The following DENND1B variants were observed in gnomAD, a reference collection of about 807,000 sequenced individuals.
The protein encoded by DENND1B is DENN domain containing 1B.
DENND1B carries 59 observed loss-of-function variants against 90.1 expected under a neutral mutation model. That is an observed-to-expected ratio of 0.65 (90% CI 0.53 to 0.81). The LOEUF is 0.81. Ranked by LOEUF, DENND1B falls within the 40% of genes least tolerant of loss-of-function variation. The pLI, the probability that DENND1B is intolerant of heterozygous loss-of-function variation, is 0.00. For synonymous variants in DENND1B, 337 were observed against 324.6 expected (o/e 1.04, Z -0.41); for missense variants, 862 against 912.6 (o/e 0.94, Z 0.71).
At chr1:197,624,172 T>C (rs760084549) in intron 10 of DENND1B, among the ~76,000 whole-genome samples, 1 of 151,642 alleles carries the variant, frequency 6.6e-6, no homozygotes, top group Non-Finnish European at 1.5e-5. Context: ...TCAAAACTTA[T>C]TATAAAGCTA....
intron 3 of DENND1B, chr1:197,690,302 C>A: frequency 5.0e-6 from 1 of 199,636 alleles, no homozygotes. Flanking sequence ...TTATCTTGAG[C>A]CAACCAGGCC....
chr1:197,613,650 A>G (rs11799915), intron 11 of DENND1B, among the ~76,000 whole-genome samples: 43,746 of 150,668 alleles, frequency 0.29, 6,588 homozygotes, highest in Middle Eastern at 0.39. Flanking sequence ...AGAAGAAGAC[A>G]TAAAATGCAT....
intron 15 of DENND1B, among the ~76,000 whole-genome samples, chr1:197,554,635 C>A (rs982303441): frequency 4.6e-5 from 7 of 151,590 alleles, no homozygotes; most frequent in African/African-American, 1.7e-4. Flanking sequence ...GTCAAGAGAT[C>A]GAGACCATCC....
At chr1:197,679,645 T>C (rs1477793342) in intron 3 of DENND1B, among the ~76,000 whole-genome samples, 1 of 150,076 alleles carries the variant, frequency 6.7e-6, no homozygotes, top group East Asian at 1.9e-4. Flanking sequence ...TATCTAAATA[T>C]TTTGTGTATG....
chr1:197,571,229 C>G (rs1486869899), intron 15 of DENND1B, among the ~76,000 whole-genome samples: 1 of 152,144 alleles, frequency 6.6e-6, no homozygotes, highest in African/African-American at 2.4e-5. Context: ...TTACAAAATA[C>G]AGATCAGATC....
At chr1:197,756,883 A>G (rs908094881) in intron 2 of DENND1B, among the ~76,000 whole-genome samples, 7 of 151,108 alleles carry the variant, frequency 4.6e-5, no homozygotes, top group Non-Finnish European at 7.4e-5. Flanking sequence ...ATAATCCTTA[A>G]TTTTTATTGC....
At chr1:197,636,428 T>C (rs1190074214) in intron 10 of DENND1B, among the ~76,000 whole-genome samples, 1 of 152,150 alleles carries the variant, frequency 6.6e-6, no homozygotes, top group Non-Finnish European at 1.5e-5. Flanking sequence ...AGATGGTCAT[T>C]GTAAGAGGCA....
At chr1:197,690,988 G>GA (rs1410225554) in intron 3 of DENND1B, among the ~76,000 whole-genome samples, 2 of 151,812 alleles carry the variant, frequency 1.3e-5, no homozygotes, top group African/African-American at 2.4e-5. Context: ...AGAAAACATG[G>GA]AAAAACTTTC....
At chr1:197,653,602 C>G (rs1426180770) in intron 6 of DENND1B, among the ~76,000 whole-genome samples, 2 of 151,990 alleles carry the variant, frequency 1.3e-5, no homozygotes, top group African/African-American at 4.8e-5. Context: ...TTAATTAATG[C>G]TATAAACTTA....
upstream of DENND1B, among the ~76,000 whole-genome samples, chr1:197,779,277 T>C (rs1315011266): frequency 2.6e-5 from 4 of 152,230 alleles, no homozygotes; most frequent in Admixed American, 6.5e-5. Context: ...CTAATAACAA[T>C]TGGAACTTTG....
chr1:197,681,097 A>G lies in DENND1B; in HGVS notation c.127-6928T>C, dbSNP rs11801895. On this transcript the variant is annotated intron_variant, in intron 3 of 22. Transcript: ENST00000620048. Reference sequence around the variant, plus strand: ...GTACAATATTAAAGGTCCTGTGTCCAATGCCTGTTGCCAAAACTTTAACAT... The same window carrying G: ...GTACAATATTAAAGGTCCTGTGTCCGATGCCTGTTGCCAAAACTTTAACAT... 5.8e-3 allele frequency among the ~76,000 whole-genome samples: 886 copies of G among 152,246 alleles called. 9 individuals are homozygous for G. Among genetic ancestry groups the G allele is most frequent in the African/African-American group, 0.02 (816 of 41,568 alleles).
In DENND1B at chr1:197,510,650, T is replaced by C; in HGVS notation, c.2138A>G (p.Asp713Gly). The change falls in exon 23 of 23, where the codon GAT becomes GGT. Residue 713 changes from aspartate to glycine, a missense_variant. Transcript: ENST00000620048. ...CCGCCCAAGACCGGGTATAAGCAGA[T>C]CATCTGAAATCTGGCTTAGTGTTTC... ...KRETLSQISD[D>G]LLIPGLGRHS... 4 of 1,612,864 alleles carry C rather than the reference T, an allele frequency of 2.5e-6. No individual in the cohort carries two copies. The highest frequency in any genetic ancestry group is 3.4e-6 in the Non-Finnish European group (4 of 1,179,268).
intron 15 of DENND1B, among the ~76,000 whole-genome samples, chr1:197,577,410 C>T (rs1156367239): frequency 1.3e-5 from 2 of 152,124 alleles, no homozygotes; most frequent in African/African-American, 2.4e-5. Flanking sequence ...AATGCATTCT[C>T]TTCTGCCATG....
At chr1:197,755,061 A>T (rs997210340) in intron 2 of DENND1B, among the ~76,000 whole-genome samples, 1 of 152,204 alleles carries the variant, frequency 6.6e-6, no homozygotes, top group African/African-American at 2.4e-5. Context: ...TAGCAAAGAA[A>T]AACTTCATTC....
intron 15 of DENND1B, among the ~76,000 whole-genome samples, chr1:197,563,515 T>C (rs1205916457): frequency 6.6e-6 from 1 of 151,994 alleles, no homozygotes; most frequent in East Asian, 1.9e-4. Context: ...TGTTGAGATC[T>C]GCTGCTCAGA....
At chr1:197,694,070 G>A (rs1339215092) in intron 3 of DENND1B, among the ~76,000 whole-genome samples, 1 of 151,196 alleles carries the variant, frequency 6.6e-6, no homozygotes, top group Non-Finnish European at 1.5e-5. Context: ...TAAGTAACCT[G>A]ACAATACTTC....
At chr1:197,544,469 G>C (rs1359868826) in intron 18 of DENND1B, among the ~76,000 whole-genome samples, 1 of 151,712 alleles carries the variant, frequency 6.6e-6, no homozygotes, top group African/African-American at 2.4e-5. Context: ...GGTTTTGAAG[G>C]GTCTTAATTG....
At chr1:197,559,394 G>C (rs1049916831) in intron 15 of DENND1B, among the ~76,000 whole-genome samples, 2 of 151,884 alleles carry the variant, frequency 1.3e-5, no homozygotes, top group South Asian at 4.1e-4. Context: ...TGTTTTTTGT[G>C]TTAACATGGC....
At chr1:197,643,904 A>G (rs1680503584) in intron 9 of DENND1B, among the ~76,000 whole-genome samples, 1 of 152,254 alleles carries the variant, frequency 6.6e-6, no homozygotes, top group South Asian at 2.1e-4. Flanking sequence ...AAGGGATTCA[A>G]CAAGATATAA....
Sources: allele counts gnomAD v4.1 joint callset (sites outside exome capture counted in the v4.1 genomes callset), GRCh38; gene constraint gnomAD v4.1.1; transcripts MANE v1.5; gene names NCBI Gene and HGNC (gene_info 2026-07-23, HGNC 2026-07-21).